Variants in CIT observed in about 807,000 individuals in gnomAD.
CIT encodes citron Rho-interacting kinase.
A neutral mutation model predicts 272.7 loss-of-function variants in CIT; 79 were observed. The ratio of observed to expected loss-of-function variants is 0.29; its 90% CI spans 0.24 to 0.35. The LOEUF is 0.35. CIT is among the 10% of genes least tolerant of loss of function. CIT has a pLI of 1.00. For missense variants in CIT, 1,909 were observed against 2,618.3 expected (o/e 0.73, Z 5.91); for synonymous variants, 948 against 995.6 (o/e 0.95, Z 0.90).
intron 5 of CIT, among the ~76,000 whole-genome samples, chr12:119,837,398 T>G (rs1177568057): frequency 6.6e-6 from 1 of 152,166 alleles, no homozygotes; most frequent in Non-Finnish European, 1.5e-5. Flanking sequence ...AGGACTTGAG[T>G]GCTTTCATAA....
chr12:119,707,201 A>C (rs7309710), intron 40 of CIT, among the ~76,000 whole-genome samples: 20,779 of 152,156 alleles, frequency 0.14, 3,315 homozygotes, highest in African/African-American at 0.39. Context: ...CGCACATGCA[A>C]ACACACTTAT....
intron 5 of CIT, among the ~76,000 whole-genome samples, chr12:119,841,838 G>A (rs1052437602): frequency 6.6e-6 from 1 of 152,160 alleles, no homozygotes; most frequent in African/African-American, 2.4e-5. Context: ...AGGAACCTGG[G>A]TCCCTGAATT....
chr12:119,772,850 G>A lies in CIT; in HGVS notation c.2002C>T (p.Arg668Ter), dbSNP rs749861462. 1 of 1,613,994 alleles carries A rather than the reference G, an allele frequency of 6.2e-7. No individual in the cohort carries two copies. The highest frequency in any genetic ancestry group is 1.6e-4 in the Middle Eastern group (1 of 6,062). The stretch of plus-strand genomic sequence containing the variant: ...AGCTTCTCCAGCTCCCTCTCGGCTC[G>A]CTCCTTTGCCTGGCGGATATTCTGC... ...LLQNIRQAKE[R>*]AERELEKLQN... Residue 668 changes from arginine (R) to a stop codon, truncating the protein, a stop_gained, in exon 17 of 48, where the codon CGA becomes TGA. Transcript: ENST00000392521. LOFTEE classifies it high-confidence loss of function.
intron 46 of CIT, among the ~76,000 whole-genome samples, chr12:119,695,105 T>C (rs181384145): frequency 1.3e-5 from 2 of 152,322 alleles, no homozygotes; most frequent in Admixed American, 1.3e-4. Flanking sequence ...AAAAAAGGCC[T>C]GCAACAATTC....
chr12:119,803,363 T>C lies in CIT; in HGVS notation c.1138A>G (p.Lys380Glu). 1 of 1,586,530 alleles carries C rather than the reference T, an allele frequency of 6.3e-7. No homozygotes were observed. Among genetic ancestry groups the C allele is most frequent in the Non-Finnish European group, 8.5e-7 (1 of 1,169,682 alleles). The change falls in exon 10 of 48, where the codon AAG becomes GAG. Residue 380 changes from lysine (K) to glutamate (E), a missense_variant. Coordinates refer to ENST00000392521, the MANE Select transcript of CIT (RefSeq NM_001206999.2). Reference sequence around the variant, plus strand: ...AAATTGGAGGTGTCATCGTCAGACTTGAGGGTGGGAACGAAGGGGGGAGGA... The same window carrying C: ...AAATTGGAGGTGTCATCGTCAGACTCGAGGGTGGGAACGAAGGGGGGAGGA... ...NSPPPFVPTL[K>E]SDDDTSNFDE...
chr12:119,866,475 G>A (rs1160299045), intron 3 of CIT, among the ~76,000 whole-genome samples: 1 of 152,092 alleles, frequency 6.6e-6, no homozygotes, highest in Non-Finnish European at 1.5e-5. Flanking sequence ...GGGCCAAACA[G>A]GAACTATTTT....
At position 119,714,282 on chromosome 12, in the gene CIT, G is replaced by T; in HGVS notation, c.4221C>A (p.Phe1407Leu). The change falls in exon 33 of 48, where the codon TTC becomes TTA. Residue 1407 changes from phenylalanine (F) to leucine (L), a missense_variant. Physicochemically the swap from Phe to Leu is conservative, Grantham distance 22 (BLOSUM62 0). This residue lies in a region of CIT where 780 missense variants were observed against 1,067.2 expected (regional missense o/e 0.73). Transcript: ENST00000392521. ...ERMHHNIPHRFNVGLNMRATK... is the reference protein window; with the variant it reads ...ERMHHNIPHRLNVGLNMRATK... ...TGGCTCGCATGTTCAGTCCTACGTT[G>T]AATCGGTGAGGAATATTGTGGTGCA... 3.7e-6 allele frequency: 6 copies of T among 1,614,122 alleles called. No homozygotes were observed. Among genetic ancestry groups the T allele is most frequent in the Non-Finnish European group, 5.1e-6 (6 of 1,180,004 alleles).
In CIT at chr12:119,730,643, C is replaced by T. The variant is rs371402995; in HGVS notation, c.3351-13G>A. 1.2e-6 allele frequency: 2 copies of T among 1,611,592 alleles called. No homozygotes were observed. The highest frequency in any genetic ancestry group is 8.5e-7 in the Non-Finnish European group (1 of 1,178,548). On this transcript the variant is annotated splice_polypyrimidine_tract_variant and intron_variant, in intron 26 of 47. Transcript: ENST00000392521. Reference sequence around the variant, plus strand: ...ATCGGCTCTCGCCCTGCCAGAAAGACACAGGTCAGCTTTTGGTAGCCCCCC... The same window carrying T: ...ATCGGCTCTCGCCCTGCCAGAAAGATACAGGTCAGCTTTTGGTAGCCCCCC...
At chr12:119,839,744 C>T (rs921066511) in intron 5 of CIT, among the ~76,000 whole-genome samples, 10 of 151,958 alleles carry the variant, frequency 6.6e-5, no homozygotes, top group Non-Finnish European at 1.3e-4. Flanking sequence ...GAATTGAGGA[C>T]GTTCATTAGG....
chr12:119,732,802 A>T (rs1958535055), intron 26 of CIT, among the ~76,000 whole-genome samples: 1 of 152,220 alleles, frequency 6.6e-6, no homozygotes, highest in Admixed American at 6.5e-5. Context: ...AGGAGTTCAG[A>T]GAATCACAGG....
intron 9 of CIT, among the ~76,000 whole-genome samples, chr12:119,812,621 AT>A (rs1383063155): frequency 2.0e-5 from 3 of 151,212 alleles, no homozygotes; most frequent in Non-Finnish European, 2.9e-5. Flanking sequence ...TTTTATTATT[AT>A]TTTTTGGTAG....
Position 119,804,494 on chromosome 12 carries a change from C to CAG in CIT, c.1112-1107_1112-1106dup. 1 of 985,598 alleles carries CAG rather than the reference C, an allele frequency of 1.0e-6. No individual in the cohort carries two copies. The highest frequency in any genetic ancestry group is 1.2e-6 in the Non-Finnish European group (1 of 830,002). The allele number at this position is 985,598 out of a possible 1,614,324, so 61.1% of individuals were successfully genotyped here. A position where few individuals can be genotyped will look rare whatever the true frequency, so the allele number is the denominator to read the frequency against. On this transcript the variant is annotated intron_variant, in intron 9 of 47. Coordinates refer to ENST00000392521, the MANE Select transcript of CIT (RefSeq NM_001206999.2). This position sits in a 1 kb window ranked among gnomAD's most constrained non-coding sequence, Gnocchi z 5.3. Reference sequence around the variant, plus strand: ...CAGGGGCCAGTGCTGATCCCAGTGACAGAGCAGCATGAGTCACTGCCCGCC... The same window carrying CAG: ...CAGGGGCCAGTGCTGATCCCAGTGACAGAGAGCAGCATGAGTCACTGCCCGCC...
chr12:119,858,196 G>A (rs990630472), intron 3 of CIT, among the ~76,000 whole-genome samples: 5 of 152,062 alleles, frequency 3.3e-5, no homozygotes, highest in East Asian at 3.9e-4. Context: ...TAAAGCCTTC[G>A]TAGATCTAAT....
intron 1 of CIT, 77 bp from the exon 2 acceptor site, chr12:119,876,258 A>G (rs1950841790): frequency 2.3e-6 from 2 of 863,064 alleles, no homozygotes; most frequent in Middle Eastern, 2.6e-4. Flanking sequence ...ATCTCCCTCA[A>G]GATATCAGGG....
At chr12:119,709,243 G>A (rs1565918043) in intron 39 of CIT, among the ~76,000 whole-genome samples, 1 of 152,126 alleles carries the variant, frequency 6.6e-6, no homozygotes, top group Admixed American at 6.5e-5. Context: ...CCCATAGAAT[G>A]TATACCACCA....
intron 9 of CIT, among the ~76,000 whole-genome samples, chr12:119,816,232 T>C (rs922666292): frequency 1.3e-5 from 2 of 152,136 alleles, no homozygotes; most frequent in African/African-American, 2.4e-5. Context: ...AACAGTAAAG[T>C]GGGGTTCAGG....
chr12:119,865,920 T>A (rs146075937), intron 3 of CIT, among the ~76,000 whole-genome samples: 535 of 149,232 alleles, frequency 3.6e-3, no homozygotes, highest in Admixed American at 6.0e-3. Context: ...ATGAGAAAAC[T>A]GAGAACAAAG....
intron 8 of CIT, among the ~76,000 whole-genome samples, chr12:119,824,915 C>T (rs942464949): frequency 1.3e-5 from 2 of 152,304 alleles, no homozygotes; most frequent in Non-Finnish European, 1.5e-5. Context: ...TCTCCTGCCT[C>T]AGCCTCCAGA....
intron 10 of CIT, among the ~76,000 whole-genome samples, chr12:119,789,153 A>C (rs556043087): frequency 2.5e-4 from 38 of 152,318 alleles, no homozygotes; most frequent in African/African-American, 8.2e-4. Context: ...AAAGATGTGG[A>C]GTGTGGCCCC....
Sources: allele counts gnomAD v4.1 joint callset (sites outside exome capture counted in the v4.1 genomes callset), GRCh38; gene constraint gnomAD v4.1.1; regional missense constraint gnomAD v4.1.1; non-coding constraint Gnocchi (gnomAD v3.1); transcripts MANE v1.5; gene names NCBI Gene and HGNC (gene_info 2026-07-23, HGNC 2026-07-21).